FHIT: variants seen among roughly 807,000 people sequenced by gnomAD.
The protein encoded by FHIT is bis(5'-adenosyl)-triphosphatase.
Under a neutral mutation model 17.9 loss-of-function variants are expected in FHIT, and 19 were observed. The observed-to-expected ratio is 1.06, with a 90% CI of 0.74 to 1.56. The LOEUF is 1.56. FHIT is among the 40% of genes most tolerant of loss of function. The pLI, the probability that FHIT is intolerant of heterozygous loss-of-function variation, is 0.00. For synonymous variants in FHIT, 81 were observed against 69.7 expected (o/e 1.16, Z -0.81); for missense variants, 248 against 189.2 (o/e 1.31, Z -1.82).
At chr3:61,232,398 G>A (rs1026921289) in intron 1 of FHIT, among the ~76,000 whole-genome samples, 23 of 151,912 alleles carry the variant, frequency 1.5e-4, no homozygotes, top group Non-Finnish European at 2.8e-4. Context: ...AAAGAAAAAA[G>A]AAAAAACGTA....
intron 2 of FHIT, among the ~76,000 whole-genome samples, chr3:61,122,081 A>G (rs1224277969): frequency 6.6e-6 from 1 of 152,234 alleles, no homozygotes; most frequent in African/African-American, 2.4e-5. Flanking sequence ...AGCTGGAGGC[A>G]TCACGCTACC....
At chr3:60,051,216 A>G (rs1701863761) in intron 5 of FHIT, among the ~76,000 whole-genome samples, 1 of 152,152 alleles carries the variant, frequency 6.6e-6, no homozygotes, top group Non-Finnish European at 1.5e-5. Context: ...ATAGTGTTAA[A>G]AAAATTAAAT....
At chr3:60,972,088 T>G (rs1280824846) in intron 3 of FHIT, among the ~76,000 whole-genome samples, 2 of 152,210 alleles carry the variant, frequency 1.3e-5, no homozygotes, top group African/African-American at 4.8e-5. Flanking sequence ...TGTTCTATCT[T>G]TAGTTATAGG....
At chr3:60,455,175 C>T (rs899249572) in intron 5 of FHIT, among the ~76,000 whole-genome samples, 1 of 152,018 alleles carries the variant, frequency 6.6e-6, no homozygotes, top group Non-Finnish European at 1.5e-5. Context: ...GCAAATTATC[C>T]AGCCACTACA....
In FHIT at chr3:60,069,337, A is replaced by G. The variant is rs374641990; in HGVS notation, c.104-55185T>C. 5.9e-5 allele frequency among the ~76,000 whole-genome samples: 9 copies of G among 152,344 alleles called. No individual in the cohort carries two copies. In the East Asian group the frequency reaches 7.7e-4, roughly 13 times the overall value. ...TCCAAATAGTTCAAAATGACAGTAA[A>G]TTACAGGTTATGTATAGTTTAATCC... is the stretch of plus-strand genomic sequence containing the variant. On this transcript the variant is annotated intron_variant, in intron 5 of 9. Coordinates refer to ENST00000492590, the MANE Select transcript of FHIT (RefSeq NM_002012.4).
intron 5 of FHIT, among the ~76,000 whole-genome samples, chr3:60,510,574 G>C (rs2034911743): frequency 6.6e-6 from 1 of 152,006 alleles, no homozygotes; most frequent in Non-Finnish European, 1.5e-5. Flanking sequence ...GGACTAGGAA[G>C]AATTTCATTA....
At chr3:60,587,205 C>A (rs1019937137) in intron 4 of FHIT, among the ~76,000 whole-genome samples, 8 of 151,912 alleles carry the variant, frequency 5.3e-5, no homozygotes, top group African/African-American at 1.4e-4. Flanking sequence ...TTTGCAGGGA[C>A]GTGGATGAAG....
In FHIT at chr3:60,862,462, C is replaced by A. The variant is rs917621193; in HGVS notation, c.-110-40451G>T. Among the ~76,000 whole-genome samples the A allele has an allele frequency of 5.3e-5, 8 of 152,102 alleles. 1 individual carries two copies. The South Asian group carries it at 1.5e-3, about 28-fold the overall frequency. ...GGGATTACAGTCATGGGCCATTGCA[C>A]CCAGCCAAAATATGATGGATTTTTC... On this transcript the variant is annotated intron_variant, in intron 3 of 9. Coordinates refer to ENST00000492590, the MANE Select transcript of FHIT (RefSeq NM_002012.4).
At chr3:60,466,761 C>T (rs2032816511) in intron 5 of FHIT, among the ~76,000 whole-genome samples, 1 of 149,188 alleles carries the variant, frequency 6.7e-6, no homozygotes, top group Non-Finnish European at 1.5e-5. Context: ...TTGCTGAATT[C>T]AGTTTGTTAG....
At chr3:59,977,659 C>T (rs999954818) in intron 7 of FHIT, among the ~76,000 whole-genome samples, 7 of 152,068 alleles carry the variant, frequency 4.6e-5, no homozygotes, top group African/African-American at 9.7e-5. Context: ...CAATTAAAAG[C>T]GGAATTTGAA....
At chr3:60,207,596 T>C (rs1275858179) in intron 5 of FHIT, among the ~76,000 whole-genome samples, 1 of 152,134 alleles carries the variant, frequency 6.6e-6, no homozygotes, top group African/African-American at 2.4e-5. Context: ...CGACAAATCA[T>C]ACTATTTAAT....
intron 5 of FHIT, among the ~76,000 whole-genome samples, chr3:60,380,557 T>A (rs1700756328): frequency 6.6e-6 from 1 of 152,182 alleles, no homozygotes; most frequent in Non-Finnish European, 1.5e-5. Context: ...CTTCTGAAGG[T>A]TGTACAACCT....
intron 4 of FHIT, among the ~76,000 whole-genome samples, chr3:60,757,906 T>C (rs1699504491): frequency 6.6e-6 from 1 of 152,210 alleles, no homozygotes; most frequent in South Asian, 2.1e-4. Flanking sequence ...GACGTCCTGC[T>C]GGATGCCTGC....
chr3:60,726,911 G>T (rs1042406148), intron 4 of FHIT, among the ~76,000 whole-genome samples: 19 of 152,186 alleles, frequency 1.2e-4, no homozygotes, highest in African/African-American at 4.6e-4. Context: ...GACACATAAG[G>T]GTTAAGCATG....
intron 5 of FHIT, among the ~76,000 whole-genome samples, chr3:60,406,075 C>T (rs2107207430): frequency 6.6e-6 from 1 of 152,290 alleles, no homozygotes; most frequent in Non-Finnish European, 1.5e-5. Flanking sequence ...AGCCGCATGT[C>T]TGCACATAAT....
chr3:60,660,614 C>T (rs868936030), intron 4 of FHIT, among the ~76,000 whole-genome samples: 3 of 151,622 alleles, frequency 2.0e-5, no homozygotes, highest in African/African-American at 7.3e-5. Context: ...CCAGAATCCC[C>T]TCCTTATCAA....
chr3:59,923,806 C>G (rs1471494004), intron 7 of FHIT, among the ~76,000 whole-genome samples: 1 of 152,126 alleles, frequency 6.6e-6, no homozygotes, highest in Admixed American at 6.6e-5. Flanking sequence ...TGTGGCTTCG[C>G]TGTACAAGGA....
At chr3:60,072,530 G>A (rs1273242481) in intron 5 of FHIT, among the ~76,000 whole-genome samples, 1 of 152,208 alleles carries the variant, frequency 6.6e-6, no homozygotes, top group East Asian at 1.9e-4. Context: ...GCTGGGCACT[G>A]TTTTACACAT....
At chr3:60,069,350 T>C (rs1702660523) in intron 5 of FHIT, among the ~76,000 whole-genome samples, 1 of 152,238 alleles carries the variant, frequency 6.6e-6, no homozygotes. Context: ...ACAGGTTATG[T>C]ATAGTTTAAT....
Sources: gnomAD v4.1 joint callset for allele counts (sites outside exome capture counted in the v4.1 genomes callset) on GRCh38, gnomAD v4.1.1 for gene constraint, MANE v1.5 for transcripts, NCBI Gene and HGNC (gene_info 2026-07-23, HGNC 2026-07-21) for gene names.